SHISA9: variants seen among roughly 807,000 people sequenced by gnomAD.
SHISA9 encodes the protein shisa family member 9.
A neutral mutation model predicts 38.0 loss-of-function variants in SHISA9; 13 were observed. That is an observed-to-expected ratio of 0.34 (90% CI 0.22 to 0.54). The LOEUF is 0.54. Ranked by LOEUF, SHISA9 falls within the 20% of genes least tolerant of loss-of-function variation. The pLI is 0.91. For missense variants in SHISA9, 538 were observed against 575.8 expected, an observed-to-expected ratio of 0.93 and a Z score of 0.67; for synonymous variants, 275 against 242.0, an observed-to-expected ratio of 1.14 and a Z score of -1.27.
At chr16:12,953,480 A>C (rs2071787472) in intron 2 of SHISA9, among the ~76,000 whole-genome samples, 2 of 152,118 alleles carry the variant, frequency 1.3e-5, no homozygotes, top group Admixed American at 1.3e-4. Flanking sequence ...AACACCAAGC[A>C]CTCTTAACCA....
chr16:13,306,724 G>T, the SHISA9 span, among the ~76,000 whole-genome samples: 1 of 152,130 alleles, frequency 6.6e-6, no homozygotes. Context: ...ATTAATCAAA[G>T]AGCAAGAGAG....
chr16:13,032,148 A>C (rs1402537240), intron 2 of SHISA9, among the ~76,000 whole-genome samples: 2 of 151,936 alleles, frequency 1.3e-5, no homozygotes, highest in Non-Finnish European at 2.9e-5. Context: ...TGCATTAGGT[A>C]CTTGTCCTAA....
chr16:13,294,413 T>C, the SHISA9 span, among the ~76,000 whole-genome samples: 2,769 of 152,262 alleles, frequency 0.018, 77 homozygotes, highest in African/African-American at 0.064. Flanking sequence ...CTCTTCTTCC[T>C]GGACCAGCAT....
rs1290249707 is a variant in SHISA9 at position 13,012,771 on chromosome 16, C to T, written c.691+95956C>T. Among the ~76,000 whole-genome samples, 3 of 152,156 alleles carry T rather than the reference C, an allele frequency of 2.0e-5. No homozygotes were observed. In the East Asian group the frequency reaches 5.8e-4, roughly 29 times the overall value. ...TTCTGCTTGATACTTACACCACTTGCCCATTACTGCTGCCTTGCCACAGCC... is the reference window on the plus strand; with the variant it reads ...TTCTGCTTGATACTTACACCACTTGTCCATTACTGCTGCCTTGCCACAGCC... On this transcript the variant is annotated intron_variant, in intron 2 of 4. Transcript: ENST00000558583.
At chr16:13,432,858 A>G in the SHISA9 span, among the ~76,000 whole-genome samples, 2 of 152,290 alleles carry the variant, frequency 1.3e-5, no homozygotes, top group East Asian at 1.9e-4. Context: ...AATGGGAGCT[A>G]AATGATGAGA....
intron 2 of SHISA9, among the ~76,000 whole-genome samples, chr16:13,089,079 G>A (rs753781312): frequency 2.0e-5 from 3 of 152,184 alleles, no homozygotes; most frequent in African/African-American, 4.8e-5. Flanking sequence ...TGTGGTTTTT[G>A]TCTTTGGTTC....
the SHISA9 span, among the ~76,000 whole-genome samples, chr16:13,466,659 A>T: frequency 6.6e-6 from 1 of 152,226 alleles, no homozygotes; most frequent in South Asian, 2.1e-4. Context: ...TGTAATGAGT[A>T]TTTCCACCTA....
At chr16:13,231,414 T>A (rs2051330716) in intron 4 of SHISA9, among the ~76,000 whole-genome samples, 2 of 152,216 alleles carry the variant, frequency 1.3e-5, no homozygotes, top group Non-Finnish European at 2.9e-5. Flanking sequence ...AATCTAGAGC[T>A]TTCCTCCAAA....
the SHISA9 span, among the ~76,000 whole-genome samples, chr16:13,269,048 G>A: frequency 6.6e-6 from 1 of 152,212 alleles, no homozygotes; most frequent in Non-Finnish European, 1.5e-5. Flanking sequence ...GAGCTTGCCT[G>A]TGCTGCATAT....
chr16:13,533,551 T>A, the SHISA9 span, among the ~76,000 whole-genome samples: 1 of 152,034 alleles, frequency 6.6e-6, no homozygotes, highest in Non-Finnish European at 1.5e-5. Flanking sequence ...AAGGACCTCT[T>A]CATCACCCCA....
At chr16:13,191,794 G>A (rs2050887981) in intron 2 of SHISA9, among the ~76,000 whole-genome samples, 1 of 152,210 alleles carries the variant, frequency 6.6e-6, no homozygotes, top group African/African-American at 2.4e-5. Context: ...GAATGTCCCT[G>A]GGCAGGACCA....
chr16:13,326,714 C>CA, the SHISA9 span, among the ~76,000 whole-genome samples: 2 of 151,942 alleles, frequency 1.3e-5, no homozygotes, highest in South Asian at 4.2e-4. Flanking sequence ...AAGCAAGGCG[C>CA]CTTCTCAGAA....
the SHISA9 span, among the ~76,000 whole-genome samples, chr16:13,451,145 T>C: frequency 6.6e-6 from 1 of 152,176 alleles, no homozygotes; most frequent in Non-Finnish European, 1.5e-5. Flanking sequence ...GCCCCAGCCC[T>C]ATCACTTCTC....
chr16:13,338,063 G>A, the SHISA9 span, among the ~76,000 whole-genome samples: 8 of 152,128 alleles, frequency 5.3e-5, no homozygotes, highest in African/African-American at 1.9e-4. Context: ...TTTAAAAAGA[G>A]GCACCACCTT....
intron 2 of SHISA9, among the ~76,000 whole-genome samples, chr16:12,954,399 G>A (rs1348993137): frequency 6.6e-6 from 1 of 152,164 alleles, no homozygotes; most frequent in Non-Finnish European, 1.5e-5. Context: ...TTTAAATAAA[G>A]GGTGATATGT....
intron 2 of SHISA9, among the ~76,000 whole-genome samples, chr16:13,019,772 CTTTCTTTCTTTCTTTCTTTCTT>C: frequency 1.7e-5 from 1 of 59,290 alleles, no homozygotes; most frequent in Middle Eastern, 8.1e-3. Context: ...TCTTTTCTTT[CTTTCTTTCTTTCTTTCTTTCTT>C]TCTTTCTTTC....
the SHISA9 span, among the ~76,000 whole-genome samples, chr16:13,438,217 C>A: frequency 5.3e-5 from 8 of 152,298 alleles, no homozygotes; most frequent in Middle Eastern, 3.4e-3. Flanking sequence ...GCAAGGCATT[C>A]ACCTTGTGTG....
At chr16:13,315,138 G>A in the SHISA9 span, among the ~76,000 whole-genome samples, 1 of 152,144 alleles carries the variant, frequency 6.6e-6, no homozygotes, top group Non-Finnish European at 1.5e-5. Context: ...TTTGGAGTCC[G>A]GCAGACCTGG....
chr16:13,148,456 A>G (rs1470878984), intron 2 of SHISA9, among the ~76,000 whole-genome samples: 1 of 151,866 alleles, frequency 6.6e-6, no homozygotes, highest in Non-Finnish European at 1.5e-5. Context: ...AAACCTTTTC[A>G]CCCACAAAAC....
Sources: allele counts gnomAD v4.1 joint callset (sites outside exome capture counted in the v4.1 genomes callset), GRCh38; gene constraint gnomAD v4.1.1; transcripts MANE v1.5; gene names NCBI Gene and HGNC (gene_info 2026-07-23, HGNC 2026-07-21).